PCDH20: variants seen among roughly 807,000 people sequenced by gnomAD.
The protein encoded by PCDH20 is protocadherin 20.
PCDH20 carries 18 observed loss-of-function variants against 39.7 expected under a neutral mutation model. The ratio of observed to expected loss-of-function variants is 0.45; its 90% CI spans 0.31 to 0.67. PCDH20 has a LOEUF of 0.67. Ranked by LOEUF, PCDH20 falls within the 30% of genes least tolerant of loss-of-function variation. The pLI is 0.05. For synonymous variants in PCDH20, 495 were observed against 455.4 expected (o/e 1.09, Z -1.11); for missense variants, 1,161 against 1,167.4 (o/e 0.99, Z 0.08).
chr13:61,412,923 C>A (rs376208356), exon 2 of PCDH20: 3 of 1,614,182 alleles, frequency 1.9e-6, no homozygotes. Flanking sequence ...GCTTGTGGGA[C>A]TCCAGAACAC....
chr13:61,414,752 AC>A (rs1160624412), intron 1 of PCDH20, among the ~76,000 whole-genome samples: 1 of 152,014 alleles, frequency 6.6e-6, no homozygotes. Context: ...ACGATCCCGA[AC>A]CCCTGTAGCT....
rs150237018 is a variant in PCDH20, at chr13:61,413,297, G to T, written c.802C>A (p.Arg268Ser). 1,550 of 1,613,986 alleles carry T rather than the reference G, an allele frequency of 9.6e-4. 1 individual carries two copies. Among genetic ancestry groups the T allele is most frequent in the Non-Finnish European group, 1.2e-3 (1,419 of 1,180,002 alleles). The stretch of plus-strand genomic sequence containing the variant: ...CCCATGACAATTAGGTAGGGGGTGC[G>T]CTCCCCATTCTCATTCTCCTCCACG... Residue 268 changes from arginine (R) to serine (S), a missense_variant, in exon 2 of 2, where the codon CGC becomes AGC. Arg to Ser is a moderately radical substitution (Grantham distance 110). This residue lies in a region of PCDH20 where 401 missense variants were observed against 368.7 expected (regional missense o/e 1.09). Coordinates refer to ENST00000409204, the Ensembl canonical transcript of PCDH20.
exon 1 of PCDH20, chr13:61,415,168 G>A (rs1175688344): frequency 7.1e-7 from 1 of 1,410,684 alleles, no homozygotes; most frequent in Non-Finnish European, 9.4e-7. Flanking sequence ...TTCCCTGGGA[G>A]GCTGCAGTCA....
In PCDH20 at chr13:61,412,234, A is replaced by G. The variant is rs775229877; in HGVS notation, c.1865T>C (p.Val622Ala). The G allele has an allele frequency of 7.7e-5, 125 of 1,614,044 alleles. No homozygotes were observed. Among genetic ancestry groups the G allele is most frequent in the Non-Finnish European group, 1.0e-4 (119 of 1,180,032 alleles). The change falls in exon 2 of 2, where the codon GTA becomes GCA. Residue 622 changes from valine to alanine, a missense_variant. By Grantham distance (64) the Val-to-Ala change is moderately conservative. Transcript: ENST00000409204. ...CAACACTGTGAGGGCCACAGTGGCT[A>G]CTGATTCTCTGGGTGGCTTCCCACA...
At chr13:61,413,021 T>C in exon 2 of PCDH20, 1 of 1,614,158 alleles carries the variant, frequency 6.2e-7, no homozygotes, top group Non-Finnish European at 8.5e-7. Flanking sequence ...ACTTTCTGAC[T>C]GTAAGAATAA....
chr13:61,410,352 G>A (rs1878221369), exon 2 of PCDH20: 1 of 152,078 alleles, frequency 6.6e-6, no homozygotes. Flanking sequence ...TATAACCCAA[G>A]TATAAAGTAC....
At chr13:61,412,114 C>T in exon 2 of PCDH20, 1 of 1,614,118 alleles carries the variant, frequency 6.2e-7, no homozygotes, top group Non-Finnish European at 8.5e-7. Context: ...ATCTGTTACA[C>T]TAATTACTCC....
chr13:61,411,367 A>G (rs776710765), exon 2 of PCDH20: 40 of 1,613,870 alleles, frequency 2.5e-5, no homozygotes, highest in Non-Finnish European at 8.5e-7. Context: ...CCTTAAACAG[A>G]TGTATATGCC....
chr13:61,411,885 G>T, exon 2 of PCDH20: 3 of 1,614,146 alleles, frequency 1.9e-6, no homozygotes, highest in Non-Finnish European at 2.5e-6. Flanking sequence ...CAAGAGGAGG[G>T]TTGTCATTGA....
chr13:61,413,939 C>T (rs370457060), exon 2 of PCDH20: 20 of 1,609,332 alleles, frequency 1.2e-5, no homozygotes, highest in Admixed American at 1.7e-5. Context: ...CTGAAGGGTC[C>T]CACGAAGAGG....
exon 2 of PCDH20, chr13:61,413,567 A>G (rs1566223383): frequency 3.7e-6 from 6 of 1,614,192 alleles, no homozygotes; most frequent in Non-Finnish European, 5.1e-6. Context: ...TCCAGCAGCA[A>G]AAGACAAGAG....
At chr13:61,414,393 T>C (rs1871490923) in intron 1 of PCDH20, among the ~76,000 whole-genome samples, 1 of 152,126 alleles carries the variant, frequency 6.6e-6, no homozygotes, top group Non-Finnish European at 1.5e-5. Context: ...GGGCAATTTA[T>C]TTCTCCTTGA....
rs760780104 is a variant in PCDH20, at chr13:61,413,813, C to A, written c.286G>T (p.Ala96Ser). The change falls in exon 2 of 2, where the codon GCA becomes TCA. Residue 96 changes from alanine (A) to serine (S), a missense_variant. Transcript: ENST00000409204. ...TGCGACTGCGGGTCCGGCCTCCCTG[C>A]AGACCTGGGCAGCAGCCGCAGGTCC... 57 of 1,612,968 alleles carry A rather than the reference C, an allele frequency of 3.5e-5. No homozygotes were observed. Among genetic ancestry groups the A allele is most frequent in the South Asian group, 1.9e-4 (17 of 90,992 alleles).
intron 1 of PCDH20, among the ~76,000 whole-genome samples, chr13:61,414,702 A>G (rs920355083): frequency 6.6e-5 from 10 of 152,170 alleles, no homozygotes. Flanking sequence ...CAATTTGTCA[A>G]TTGCAGTAGG....
intron 1 of PCDH20, 89 bp downstream of exon 1, chr13:61,414,938 T>C: frequency 7.8e-7 from 1 of 1,279,028 alleles, no homozygotes; most frequent in Non-Finnish European, 1.0e-6. Context: ...TAGATAAAGG[T>C]AGAAGGTTTG....
exon 2 of PCDH20, chr13:61,411,463 C>T (rs748781931): frequency 7.4e-6 from 12 of 1,614,136 alleles, no homozygotes; most frequent in Middle Eastern, 1.6e-4. Context: ...TTCTACCTTC[C>T]TATGAGTCGG....
At chr13:61,410,285 A>G (rs1417278995) in exon 2 of PCDH20, 2 of 152,164 alleles carry the variant, frequency 1.3e-5, no homozygotes, top group African/African-American at 4.8e-5. Context: ...ATTCACTTTT[A>G]ATATGATTTC....
chr13:61,410,123 A>G (rs1878215198), exon 2 of PCDH20: 1 of 152,230 alleles, frequency 6.6e-6, no homozygotes, highest in African/African-American at 2.4e-5. Context: ...AGGGCTTACA[A>G]ATAAACTGTT....
exon 1 of PCDH20, chr13:61,415,439 C>T (rs1364543348): frequency 3.1e-6 from 1 of 318,228 alleles, no homozygotes; most frequent in East Asian, 5.0e-5. Flanking sequence ...CACAGTAGCG[C>T]TTACCTACCA....
Sources: gnomAD v4.1 joint callset for allele counts (sites outside exome capture counted in the v4.1 genomes callset) on GRCh38, gnomAD v4.1.1 for gene constraint, gnomAD v4.1.1 regional missense constraint, MANE v1.5 for transcripts, NCBI Gene and HGNC (gene_info 2026-07-23, HGNC 2026-07-21) for gene names.